Variants in C12orf42 observed in about 807,000 individuals in gnomAD.
C12orf42 encodes the protein chromosome 12 open reading frame 42, also known as uncharacterized protein C12orf42.
Under a neutral mutation model 21.6 loss-of-function variants are expected in C12orf42, and 25 were observed. The ratio of observed to expected loss-of-function variants is 1.16; its 90% CI spans 0.84 to 1.62. The LOEUF is 1.62. C12orf42 is among the 40% of genes most tolerant of loss of function. The probability of loss-of-function intolerance (pLI) is 0.00; values close to 1 mark genes in which losing one functional copy is unlikely to be tolerated. For missense variants in C12orf42, 483 were observed against 459.3 expected, an observed-to-expected ratio of 1.05 and a Z score of -0.47; for synonymous variants, 174 against 175.0, an observed-to-expected ratio of 0.99 and a Z score of 0.05.
At chr12:103,496,680 T>C (rs1168244870), upstream of C12orf42, among the ~76,000 whole-genome samples, 1 of 152,156 alleles carries the variant, frequency 6.6e-6, no homozygotes, top group Non-Finnish European at 1.5e-5. Context: ...ATATTTTTTC[T>C]GGGCTAGCTA....
chr12:103,545,125 T>C, the C12orf42 span, among the ~76,000 whole-genome samples: 16 of 152,242 alleles, frequency 1.1e-4, no homozygotes, highest in Non-Finnish European at 1.9e-4. Flanking sequence ...TACCAGCTCA[T>C]TAGTACATCT....
the C12orf42 span, among the ~76,000 whole-genome samples, chr12:103,136,556 T>C: frequency 6.6e-6 from 1 of 152,060 alleles, no homozygotes; most frequent in East Asian, 1.9e-4. Flanking sequence ...TACGGAACCA[T>C]AAAATAACCT....
chr12:103,498,337 C>G (rs1252822906), upstream of C12orf42, among the ~76,000 whole-genome samples: 1 of 152,228 alleles, frequency 6.6e-6, no homozygotes, highest in Non-Finnish European at 1.5e-5. Context: ...ATAGCAGATG[C>G]TCAATAAATC....
At chr12:103,134,044 G>A in the C12orf42 span, among the ~76,000 whole-genome samples, 4 of 152,172 alleles carry the variant, frequency 2.6e-5, no homozygotes. Flanking sequence ...TTAGTAGCAT[G>A]AGAATGAACT....
At chr12:103,103,828 G>T in the C12orf42 span, among the ~76,000 whole-genome samples, 2 of 146,960 alleles carry the variant, frequency 1.4e-5, no homozygotes, top group Non-Finnish European at 3.0e-5. Flanking sequence ...TTCAGACGGA[G>T]TCTCGCTCTG....
At chr12:103,180,076 A>G in the C12orf42 span, among the ~76,000 whole-genome samples, 3 of 152,160 alleles carry the variant, frequency 2.0e-5, no homozygotes, top group African/African-American at 7.2e-5. Context: ...AGGTAGAGTG[A>G]GCTTCCAAAA....
the C12orf42 span, among the ~76,000 whole-genome samples, chr12:103,152,231 C>T: frequency 6.6e-6 from 1 of 152,202 alleles, no homozygotes; most frequent in South Asian, 2.1e-4. Flanking sequence ...CTTGTGAGAC[C>T]CTGAGCAGAG....
chr12:103,139,273 T>C, the C12orf42 span, among the ~76,000 whole-genome samples: 1 of 152,184 alleles, frequency 6.6e-6, no homozygotes, highest in African/African-American at 2.4e-5. Context: ...TTGGATACTA[T>C]TTTCCAGACA....
intron 4 of C12orf42, among the ~76,000 whole-genome samples, chr12:103,322,150 C>A (rs191424877): frequency 6.6e-6 from 1 of 151,102 alleles, no homozygotes; most frequent in South Asian, 2.1e-4. Flanking sequence ...CACACACACA[C>A]GCACACGCAC....
intron 2 of C12orf42, among the ~76,000 whole-genome samples, chr12:103,414,232 T>C (rs1396595629): frequency 6.6e-6 from 1 of 152,192 alleles, no homozygotes; most frequent in Non-Finnish European, 1.5e-5. Context: ...TCCCTGTTAA[T>C]TAGTGATGTT....
At chr12:103,219,941 A>C in the C12orf42 span, among the ~76,000 whole-genome samples, 2 of 152,180 alleles carry the variant, frequency 1.3e-5, no homozygotes, top group African/African-American at 4.8e-5. Flanking sequence ...AAATCATCCT[A>C]CTATAAAGAC....
At position 103,401,654 on chromosome 12, in the gene C12orf42, T is replaced by C. The variant is rs199895230; in HGVS notation, c.100A>G (p.Ile34Val). Residue 34 changes from isoleucine to valine, a missense_variant, in exon 3 of 6, where the codon ATT becomes GTT. By Grantham distance (29) the Ile-to-Val change is conservative. Coordinates refer to ENST00000548883, the MANE Select transcript of C12orf42 (RefSeq NM_198521.5). ...TCCCACAGGGTGGCACTGCTCACAA[T>C]GGGAATATAGCAAGGGGATTTCTGA... Reference protein sequence around the residue: ...RMQKSPCYIPIVSSATLWDRS... With the variant: ...RMQKSPCYIPVVSSATLWDRS... 1.2e-6 allele frequency: 2 copies of C among 1,613,866 alleles called. No homozygotes were observed. Among genetic ancestry groups the C allele is most frequent in the Non-Finnish European group, 1.7e-6 (2 of 1,179,810 alleles).
At chr12:103,302,634 C>G in intron 5 of C12orf42, 75 bp from the exon 6 acceptor site, 1 of 1,252,850 alleles carries the variant, frequency 8.0e-7, no homozygotes, top group Non-Finnish European at 1.1e-6. Flanking sequence ...CCCGCGACAA[C>G]TGGACGTCTG....
chr12:103,268,500 A>AC (rs1476879343), downstream of C12orf42: 2 of 44,268 alleles, frequency 4.5e-5, no homozygotes, highest in Non-Finnish European at 6.7e-5. Context: ...ATTTTTCATT[A>AC]AAAAAAAAAC....
chr12:103,072,452 A>T, the C12orf42 span, among the ~76,000 whole-genome samples: 1 of 152,132 alleles, frequency 6.6e-6, no homozygotes, highest in Non-Finnish European at 1.5e-5. Flanking sequence ...GCTAAAAAAA[A>T]AAAAGAAAAT....
chr12:103,501,701 A>G, the C12orf42 span, among the ~76,000 whole-genome samples: 1 of 152,194 alleles, frequency 6.6e-6, no homozygotes, highest in East Asian at 1.9e-4. Context: ...ATTTAATATG[A>G]CAATTTTCCT....
chr12:103,484,951 G>C (rs1250240054), intron 1 of C12orf42, among the ~76,000 whole-genome samples: 2 of 138,494 alleles, frequency 1.4e-5, no homozygotes, highest in Non-Finnish European at 3.0e-5. Context: ...CTCACTGCAA[G>C]CTCCACCTCC....
chr12:103,463,316 G>A (rs1054258390), intron 2 of C12orf42, among the ~76,000 whole-genome samples: 1 of 152,166 alleles, frequency 6.6e-6, no homozygotes, highest in African/African-American at 2.4e-5. Context: ...GACACATCAT[G>A]AGGTTAATTT....
the C12orf42 span, among the ~76,000 whole-genome samples, chr12:103,086,011 G>C: frequency 2.0e-5 from 3 of 152,128 alleles, no homozygotes. Flanking sequence ...AGCACACGGA[G>C]CTCCAATACC....
Sources: gnomAD v4.1 joint callset for allele counts (sites outside exome capture counted in the v4.1 genomes callset) on GRCh38, gnomAD v4.1.1 for gene constraint, MANE v1.5 for transcripts, NCBI Gene and HGNC (gene_info 2026-07-23, HGNC 2026-07-21) for gene names.